The following PAK4 variants were observed in gnomAD, a reference collection of about 807,000 sequenced individuals.
PAK4 encodes serine/threonine-protein kinase PAK 4.
Under a neutral mutation model 53.5 loss-of-function variants are expected in PAK4, and 49 were observed. The ratio of observed to expected loss-of-function variants is 0.92; its 90% CI spans 0.73 to 1.16. The LOEUF (loss-of-function observed/expected upper bound fraction) is 1.16. Ranked by LOEUF, PAK4 falls within the 50% of genes most tolerant of loss-of-function variation. The probability of loss-of-function intolerance (pLI) is 0.00; values close to 1 mark genes in which losing one functional copy is unlikely to be tolerated. For synonymous variants in PAK4, 376 were observed against 375.6 expected (o/e 1.00, Z -0.01); for missense variants, 824 against 850.7 (o/e 0.97, Z 0.39).
At chr19:39,141,728 A>G (rs541657411) in intron 1 of PAK4, among the ~76,000 whole-genome samples, 2 of 148,584 alleles carry the variant, frequency 1.3e-5, no homozygotes, top group African/African-American at 2.5e-5. Flanking sequence ...TCCGCCTCCC[A>G]GGTTCAAGCA....
At chr19:39,169,089 G>A (rs1422327012) in intron 1 of PAK4, among the ~76,000 whole-genome samples, 1 of 152,146 alleles carries the variant, frequency 6.6e-6, no homozygotes, top group Non-Finnish European at 1.5e-5. Flanking sequence ...GATGTAGAGC[G>A]GGGGGACGGC....
intron 1 of PAK4, among the ~76,000 whole-genome samples, chr19:39,150,713 GACCTT>G (rs2074080102): frequency 6.6e-6 from 1 of 151,984 alleles, no homozygotes; most frequent in Non-Finnish European, 1.5e-5. Context: ...AACGTAGTGA[GACCTT>G]GTCTCTAAAA....
intron 4 of PAK4, among the ~76,000 whole-genome samples, 170 bp downstream of exon 5, chr19:39,174,180 C>T (rs906070052): frequency 5.3e-5 from 8 of 151,572 alleles, no homozygotes; most frequent in African/African-American, 1.7e-4. Flanking sequence ...TGGGTCCCTG[C>T]CTCTGTCCTC....
At chr19:39,171,333 C>T (rs188968786) in intron 2 of PAK4, among the ~76,000 whole-genome samples, 30 of 152,234 alleles carry the variant, frequency 2.0e-4, no homozygotes, top group Admixed American at 5.2e-4. Flanking sequence ...CTCAGCCTCC[C>T]GCGTAGCTGG....
chr19:39,138,969 C>G (rs1568500292), intron 1 of PAK4, among the ~76,000 whole-genome samples: 1 of 152,110 alleles, frequency 6.6e-6, no homozygotes, highest in Non-Finnish European at 1.5e-5. Context: ...TTCTCCATCC[C>G]CCACTGAGCT....
At chr19:39,137,947 G>T (rs774907) in intron 1 of PAK4, among the ~76,000 whole-genome samples, 105,494 of 151,170 alleles carry the variant, frequency 0.7, 37,157 homozygotes, top group African/African-American at 0.8. Context: ...ATTACAGGCG[G>T]GAGCCACTGT....
chr19:39,128,267 T>TTGCTGC (rs373495171), intron 1 of PAK4, among the ~76,000 whole-genome samples: 2 of 152,262 alleles, frequency 1.3e-5, no homozygotes, highest in East Asian at 1.9e-4. Flanking sequence ...AGCATTAGTC[T>TTGCTGC]TGCTGCTGCT....
chr19:39,159,635 GC>G (rs2074251468), intron 1 of PAK4, among the ~76,000 whole-genome samples: 1 of 152,186 alleles, frequency 6.6e-6, no homozygotes, highest in Non-Finnish European at 1.5e-5. Flanking sequence ...TGATCCACCT[GC>G]CTCGGCCTCC....
intron 1 of PAK4, among the ~76,000 whole-genome samples, chr19:39,136,068 TTCTTCCTTGTCACCCC>T (rs1321507705): frequency 1.1e-5 from 1 of 93,550 alleles, no homozygotes; most frequent in African/African-American, 4.2e-5. Flanking sequence ...CTCGTCACCC[TTCTTCCTTGTCACCCC>T]TCTTCCTCGT....
chr19:39,137,378 C>T (rs952778840), intron 1 of PAK4, among the ~76,000 whole-genome samples: 5 of 152,016 alleles, frequency 3.3e-5, no homozygotes, highest in African/African-American at 9.7e-5. Context: ...ATAGGAAAGA[C>T]GAATGGAGGG....
chr19:39,160,760 CT>C (rs1256110128), intron 1 of PAK4, among the ~76,000 whole-genome samples: 1 of 152,232 alleles, frequency 6.6e-6, no homozygotes, highest in African/African-American at 2.4e-5. Flanking sequence ...CCCTGTAGAA[CT>C]GTGTGTGTAC....
At chr19:39,136,721 G>A (rs1390709043) in intron 1 of PAK4, among the ~76,000 whole-genome samples, 1 of 152,244 alleles carries the variant, frequency 6.6e-6, no homozygotes, top group Non-Finnish European at 1.5e-5. Flanking sequence ...TGTTCTCAGG[G>A]ATTGGAGTGT....
At chr19:39,166,803 T>G (rs1337702033) in intron 1 of PAK4, among the ~76,000 whole-genome samples, 1 of 152,096 alleles carries the variant, frequency 6.6e-6, no homozygotes, top group Non-Finnish European at 1.5e-5. Flanking sequence ...CAGGAGCATC[T>G]GTTGGGAAGG....
At chr19:39,154,564 AAGAC>A (rs2074145142) in intron 1 of PAK4, among the ~76,000 whole-genome samples, 1 of 152,212 alleles carries the variant, frequency 6.6e-6, no homozygotes, top group Non-Finnish European at 1.5e-5. Flanking sequence ...CTGTATTACA[AAGAC>A]AGAGAGAAGG....
chr19:39,150,966 C>T (rs757398701), intron 1 of PAK4, among the ~76,000 whole-genome samples: 4 of 152,074 alleles, frequency 2.6e-5, no homozygotes, highest in Non-Finnish European at 4.4e-5. Context: ...CCCGCACAGG[C>T]GGCACGTGAC....
chr19:39,149,519 G>A (rs2074059645), intron 1 of PAK4, among the ~76,000 whole-genome samples: 3 of 152,132 alleles, frequency 2.0e-5, no homozygotes, highest in South Asian at 4.1e-4. Flanking sequence ...CTAAGAGGTT[G>A]AGTTCAGCCT....
intron 1 of PAK4, among the ~76,000 whole-genome samples, chr19:39,144,183 T>C (rs1440068813): frequency 4.7e-4 from 71 of 152,000 alleles, no homozygotes; most frequent in African/African-American, 1.7e-3. Context: ...GATAGATAGA[T>C]AGATAGATAG....
chr19:39,133,698 G>T (rs1389510208), intron 1 of PAK4, among the ~76,000 whole-genome samples: 1 of 152,188 alleles, frequency 6.6e-6, no homozygotes, highest in Admixed American at 6.5e-5. Context: ...GGGTGGGCAG[G>T]GTCCTCACCT....
At chr19:39,132,687 C>T (rs944435401) in intron 1 of PAK4, among the ~76,000 whole-genome samples, 1 of 152,222 alleles carries the variant, frequency 6.6e-6, no homozygotes, top group African/African-American at 2.4e-5. Context: ...GCCTCGTGGT[C>T]TGAGACAGGT....
Sources: allele counts gnomAD v4.1 joint callset (sites outside exome capture counted in the v4.1 genomes callset), GRCh38; gene constraint gnomAD v4.1.1; transcripts MANE v1.5; gene names NCBI Gene and HGNC (gene_info 2026-07-23, HGNC 2026-07-21).